The following PEX14 variants were observed in gnomAD, a reference collection of about 807,000 sequenced individuals.
PEX14 encodes peroxisomal membrane protein PEX14.
Under a neutral mutation model 49.5 loss-of-function variants are expected in PEX14, and 15 were observed. The ratio of observed to expected loss-of-function variants is 0.30; its 90% CI spans 0.20 to 0.47. The LOEUF is 0.47. PEX14 is among the 20% of genes least tolerant of loss of function. The probability of loss-of-function intolerance (pLI) is 1.00; values close to 1 mark genes in which losing one functional copy is unlikely to be tolerated. For missense variants in PEX14, 398 were observed against 494.8 expected, an observed-to-expected ratio of 0.80 and a Z score of 1.86; for synonymous variants, 210 against 212.7, an observed-to-expected ratio of 0.99 and a Z score of 0.11.
chr1:10,479,393 CAGAG>C (rs1266290421), intron 1 of PEX14, among the ~76,000 whole-genome samples: 4 of 151,974 alleles, frequency 2.6e-5, no homozygotes, highest in South Asian at 2.1e-4. Context: ...GGGGAAGAGA[CAGAG>C]AGAGAGAAAG....
intron 2 of PEX14, among the ~76,000 whole-genome samples, chr1:10,500,649 A>T (rs1641661065): frequency 6.6e-6 from 1 of 152,090 alleles, no homozygotes; most frequent in Non-Finnish European, 1.5e-5. Context: ...ATCTCCGCTC[A>T]CTGCAACCTC....
At chr1:10,527,211 CAAAA>C (rs35749900) in intron 2 of PEX14, among the ~76,000 whole-genome samples, 2 of 117,694 alleles carry the variant, frequency 1.7e-5, no homozygotes, top group African/African-American at 3.3e-5. Context: ...GACTCTGTCT[CAAAA>C]AAAAAAAAAA....
At position 10,599,668 on chromosome 1, in the gene PEX14, C is replaced by T. The variant is rs1640928881; in HGVS notation, c.298+302C>T. 1.3e-5 allele frequency among the ~76,000 whole-genome samples: 2 copies of T among 152,360 alleles called. 1 individual carries two copies. Among genetic ancestry groups the T allele is most frequent in the South Asian group, 4.1e-4 (2 of 4,828 alleles). ...TTTATTGATTCTGTTCCCATCTCCT[C>T]ATACCAGTGCTTTTGAATGTTACTG... On this transcript the variant is annotated intron_variant, in intron 4 of 8. Coordinates refer to ENST00000356607, the MANE Select transcript of PEX14 (RefSeq NM_004565.3).
chr1:10,496,199 G>A (rs1312330936), intron 2 of PEX14, among the ~76,000 whole-genome samples: 1 of 152,204 alleles, frequency 6.6e-6, no homozygotes, highest in African/African-American at 2.4e-5. Context: ...CCCAGGCTGA[G>A]GGCGAGTTGG....
intron 3 of PEX14, among the ~76,000 whole-genome samples, chr1:10,564,299 G>A (rs550285581): frequency 4.0e-5 from 6 of 151,858 alleles, no homozygotes; most frequent in South Asian, 2.1e-4. Flanking sequence ...TTGTCCATCC[G>A]CTTTTCTTTT....
At chr1:10,573,575 C>T (rs1435108386) in intron 3 of PEX14, among the ~76,000 whole-genome samples, 1 of 152,110 alleles carries the variant, frequency 6.6e-6, no homozygotes, top group East Asian at 1.9e-4. Context: ...ATTAGAATGG[C>T]GAAAATTTAA....
intron 4 of PEX14, among the ~76,000 whole-genome samples, chr1:10,600,517 G>A (rs574756614): frequency 6.6e-6 from 1 of 152,036 alleles, no homozygotes; most frequent in Admixed American, 6.6e-5. Flanking sequence ...AGGAGTTCGA[G>A]ACCAGCCTGG....
chr1:10,533,764 G>A (rs542996575), intron 2 of PEX14, among the ~76,000 whole-genome samples: 2 of 152,296 alleles, frequency 1.3e-5, no homozygotes, highest in African/African-American at 4.8e-5. Flanking sequence ...AAGCCATTAT[G>A]CATGTTGGAT....
intron 3 of PEX14, among the ~76,000 whole-genome samples, chr1:10,568,522 T>C (rs1190113215): frequency 6.6e-6 from 1 of 152,196 alleles, no homozygotes; most frequent in Non-Finnish European, 1.5e-5. Flanking sequence ...TGAATCATTA[T>C]TATATTATTA....
At chr1:10,574,955 G>A (rs112212712) in intron 3 of PEX14, among the ~76,000 whole-genome samples, 17 of 151,892 alleles carry the variant, frequency 1.1e-4, no homozygotes, top group African/African-American at 2.9e-4. Flanking sequence ...AAAAAAATTC[G>A]TAAAAGATAA....
chr1:10,577,529 C>CATACACATATATATATATATATAT (rs1640157713), intron 3 of PEX14, among the ~76,000 whole-genome samples: 1 of 43,014 alleles, frequency 2.3e-5, no homozygotes, highest in African/African-American at 1.2e-4. Context: ...GGACACTATA[C>CATACACATATATATATATATATAT]ATATATATAT....
At chr1:10,559,914 T>C (rs1297810671) in intron 3 of PEX14, among the ~76,000 whole-genome samples, 2 of 152,150 alleles carry the variant, frequency 1.3e-5, no homozygotes, top group African/African-American at 2.4e-5. Context: ...CCTGGTCCAC[T>C]CTGCGTTGCT....
chr1:10,490,769 A>G (rs899908471), intron 1 of PEX14, among the ~76,000 whole-genome samples: 6 of 145,158 alleles, frequency 4.1e-5, no homozygotes, highest in African/African-American at 1.5e-4. Context: ...TGATGTGATC[A>G]CAGCTCACCA....
rs368193194 is a variant in PEX14, at chr1:10,522,947, C to T, written c.85-13266C>T. Among the ~76,000 whole-genome samples, 57 of 152,208 alleles carry T rather than the reference C, an allele frequency of 3.7e-4. 1 individual carries two copies. The South Asian group carries it at 6.9e-3, about 18-fold the overall frequency. On this transcript the variant is annotated intron_variant, in intron 2 of 8. Coordinates refer to ENST00000356607, the MANE Select transcript of PEX14 (RefSeq NM_004565.3). ...ACTCAGTATTGTCATTTTAGATGAA[C>T]GTGTTTATATGGTGTTATAAGCATA...
rs1641946268 is a variant in PEX14 at position 10,514,994 on chromosome 1, G to C, written c.84+19673G>C. Among the ~76,000 whole-genome samples the C allele has an allele frequency of 6.6e-6, 1 of 152,180 alleles. No homozygotes were observed. ...AATGCTTGCCACTCCCCTGCCGCCTGCCCCTGTGTAGGTGGGAAGAGAGCG... is the reference window on the plus strand; with the variant it reads ...AATGCTTGCCACTCCCCTGCCGCCTCCCCCTGTGTAGGTGGGAAGAGAGCG... On this transcript the variant is annotated intron_variant, in intron 2 of 8. Coordinates refer to ENST00000356607, the MANE Select transcript of PEX14 (RefSeq NM_004565.3). The surrounding 1 kb of genome is among the most constrained non-coding windows in gnomAD (Gnocchi z 4.4).
chr1:10,488,912 A>G (rs981438138), intron 1 of PEX14, among the ~76,000 whole-genome samples: 5 of 152,132 alleles, frequency 3.3e-5, no homozygotes, highest in Non-Finnish European at 7.4e-5. Flanking sequence ...TACTAGTTAT[A>G]TCGTCTGGTT....
intron 2 of PEX14, among the ~76,000 whole-genome samples, chr1:10,520,134 C>T (rs965653050): frequency 1.6e-5 from 2 of 124,730 alleles, no homozygotes; most frequent in African/African-American, 5.7e-5. Context: ...GCTGTTGTGC[C>T]TGGCCTTCTT....
intron 3 of PEX14, among the ~76,000 whole-genome samples, chr1:10,576,371 C>T (rs1472359310): frequency 6.6e-6 from 1 of 152,040 alleles, no homozygotes; most frequent in Non-Finnish European, 1.5e-5. Flanking sequence ...TATTTAATCA[C>T]AAAAACCCTA....
At chr1:10,555,406 C>T (rs1639457060) in intron 3 of PEX14, among the ~76,000 whole-genome samples, 2 of 151,778 alleles carry the variant, frequency 1.3e-5, no homozygotes. Flanking sequence ...GGAAAACATG[C>T]TAAAAATGAT....
Sources: allele counts gnomAD v4.1 joint callset (sites outside exome capture counted in the v4.1 genomes callset), GRCh38; gene constraint gnomAD v4.1.1; non-coding constraint Gnocchi (gnomAD v3.1); transcripts MANE v1.5; gene names NCBI Gene and HGNC (gene_info 2026-07-23, HGNC 2026-07-21).